Variants in LILRB2 observed in about 807,000 individuals in gnomAD.
LILRB2 encodes leukocyte immunoglobulin like receptor B2.
A neutral mutation model predicts 72.7 loss-of-function variants in LILRB2; 47 were observed. The ratio of observed to expected loss-of-function variants is 0.65; its 90% CI spans 0.51 to 0.82. LILRB2 has a LOEUF of 0.82. Ranked by LOEUF, LILRB2 falls within the 40% of genes least tolerant of loss-of-function variation. The pLI is 0.00. For missense variants in LILRB2, 767 were observed against 764.8 expected, an observed-to-expected ratio of 1.00 and a Z score of -0.03; for synonymous variants, 279 against 313.7, an observed-to-expected ratio of 0.89 and a Z score of 1.17.
Position 54,276,519 on chromosome 19 carries a change from AG to A in LILRB2, c.1481-64del, listed in dbSNP as rs963047252. 3 of 1,311,660 alleles carry A rather than the reference AG, an allele frequency of 2.3e-6. No homozygotes were observed. The African/African-American group carries it at 4.5e-5, about 20-fold the overall frequency. 81.3% of individuals were successfully genotyped at this position (1,311,660 alleles called of 1,614,324 possible). The stretch of plus-strand genomic sequence containing the variant: ...TTGGAGCCCCCTGCCCTGCACACAC[AG>A]CTCGAAGGTAAGGAAGGAAACCTAA... On this transcript the variant is annotated intron_variant, in intron 10 of 13. Coordinates refer to ENST00000314446, the MANE Select transcript of LILRB2 (RefSeq NM_001080978.4).
intron 2 of LILRB2, 61 bp downstream of exon 2, chr19:54,280,402 G>A: frequency 3.7e-6 from 6 of 1,614,090 alleles, no homozygotes; most frequent in South Asian, 2.2e-5. Context: ...AGGGACCAGA[G>A]TTTGGCTGTG....
intron 13 of LILRB2, chr19:54,275,701 T>C (rs894021642): frequency 1.1e-5 from 7 of 635,286 alleles, no homozygotes; most frequent in Non-Finnish European, 1.8e-5. Flanking sequence ...TCCAGAGGCC[T>C]GGGGAGCGCT....
Position 54,281,019 on chromosome 19 carries a change from C to T in LILRB2, c.-107G>A. 2.4e-6 allele frequency: 2 copies of T among 819,628 alleles called. No homozygotes were observed. Among genetic ancestry groups the T allele is most frequent in the Non-Finnish European group, 3.6e-6 (2 of 551,096 alleles). The allele number at this position is 819,628 out of a possible 1,614,324, so 50.8% of individuals were successfully genotyped here. Reference sequence around the variant, plus strand: ...TCAGGGAAGACCCAGGTCCATGCTGCAGGCAGACTCAGATCAGCAGAGAAG... The same window carrying T: ...TCAGGGAAGACCCAGGTCCATGCTGTAGGCAGACTCAGATCAGCAGAGAAG... On this transcript the variant is annotated 5_prime_UTR_variant, in exon 1 of 14. Coordinates refer to ENST00000314446, the MANE Select transcript of LILRB2 (RefSeq NM_001080978.4).
At chr19:54,276,101 A>T (rs1434963272) in intron 12 of LILRB2, 98 bp from the exon 13 acceptor site, 2 of 1,565,208 alleles carry the variant, frequency 1.3e-6, no homozygotes, top group Admixed American at 1.7e-5. Flanking sequence ...GGCTACTGAG[A>T]TGCAGGGAGG....
rs372146362 is a variant in LILRB2, at chr19:54,280,540, C to G, written c.-44G>C. 25 of 1,613,430 alleles carry G rather than the reference C, an allele frequency of 1.5e-5. No individual in the cohort carries two copies. The African/African-American group carries it at 3.0e-4, about 19-fold the overall frequency. ...CCTGCTCTGCGGATGGATGAGCCCT[C>G]GGTGCTGGCGGGACAGAGACACACA... On this transcript the variant is annotated 5_prime_UTR_variant, in exon 2 of 14. Transcript: ENST00000314446.
intron 9 of LILRB2, 85 bp from the exon 10 acceptor site, chr19:54,277,014 C>T (rs1482204907): frequency 5.9e-6 from 9 of 1,526,832 alleles, no homozygotes; most frequent in Non-Finnish European, 8.0e-6. Context: ...ACCTTCTGTT[C>T]ACCACCTCCA....
intron 10 of LILRB2, 88 bp from the exon 11 acceptor site, chr19:54,276,544 A>G: frequency 7.5e-7 from 1 of 1,330,836 alleles, no homozygotes; most frequent in South Asian, 1.5e-5. Flanking sequence ...AAGGAAACCT[A>G]AAAACACTCC....
rs138762759 is a variant in LILRB2, at chr19:54,278,436, G to A, written c.1082C>T (p.Ala361Val). ...TCTTAGACGGAGTGGGGCATCAGCT[G>A]CTCCCGCCTTGGTCAGAAGGAAAGT... The part of the protein sequence containing the change: ...FHTFLLTKAG[A>V]ADAPLRLRSI... The change falls in exon 7 of 14, where the codon GCA becomes GTA. Residue 361 changes from alanine (A) to valine (V), a missense_variant. Ala to Val is a moderately conservative substitution (Grantham distance 64). Transcript: ENST00000314446. 9.2e-4 allele frequency: 1,478 copies of A among 1,614,192 alleles called. 15 individuals are homozygous for A. The African/African-American group carries it at 0.016, about 17-fold the overall frequency.
chr19:54,274,576 G>A lies in LILRB2; in HGVS notation c.*107C>T. On this transcript the variant is annotated 3_prime_UTR_variant, in exon 14 of 14. Coordinates refer to ENST00000314446, the MANE Select transcript of LILRB2 (RefSeq NM_001080978.4). Reference sequence around the variant, plus strand: ...AGCATCTCCTCATGGTCTTTGTTAGGGGTCCAGGCTGACTGGGGTTCATTG... The same window carrying A: ...AGCATCTCCTCATGGTCTTTGTTAGAGGTCCAGGCTGACTGGGGTTCATTG... 1.3e-6 allele frequency: 2 copies of A among 1,569,326 alleles called. No individual in the cohort carries two copies. The highest frequency in any genetic ancestry group is 1.7e-6 in the Non-Finnish European group (2 of 1,155,370).
At chr19:54,278,737 C>T in intron 6 of LILRB2, 75 bp downstream of exon 6, 2 of 1,586,212 alleles carry the variant, frequency 1.3e-6, no homozygotes, top group East Asian at 2.3e-5. Context: ...CTCATCCTGG[C>T]CATCACTAAT....
At position 54,280,210 on chromosome 19, in the gene LILRB2, G is replaced by A. The variant is rs1335338243; in HGVS notation, c.70+54C>T. The A allele has an allele frequency of 3.1e-6, 5 of 1,613,300 alleles. No homozygotes were observed. The South Asian group carries it at 4.4e-5, about 14-fold the overall frequency. On this transcript the variant is annotated intron_variant, in intron 3 of 13. Coordinates refer to ENST00000314446, the MANE Select transcript of LILRB2 (RefSeq NM_001080978.4). Reference sequence around the variant, plus strand: ...CCCCATCCCCAGCTGCACGGAGGTGGCCCCTTGTCCCCAGTGAGGAGGAGG... The same window carrying A: ...CCCCATCCCCAGCTGCACGGAGGTGACCCCTTGTCCCCAGTGAGGAGGAGG...
chr19:54,280,462 C>T lies in LILRB2; in HGVS notation c.34+1G>A. The stretch of plus-strand genomic sequence containing the variant: ...AGCTCCCCTCTCTCTTCAAATCTCA[C>T]CGAGACAGATCAGGACTGTGACGAT... On this transcript the variant is annotated splice_donor_variant, in intron 2 of 13. Transcript: ENST00000314446. LOFTEE classifies it high-confidence loss of function. 1 of 1,614,070 alleles carries T rather than the reference C, an allele frequency of 6.2e-7. No individual in the cohort carries two copies. Among genetic ancestry groups the T allele is most frequent in the Non-Finnish European group, 8.5e-7 (1 of 1,179,970 alleles).
At chr19:54,277,239 C>A (rs529457258) in intron 9 of LILRB2, 1 of 1,535,310 alleles carries the variant, frequency 6.5e-7, no homozygotes, top group Non-Finnish European at 8.8e-7. Context: ...TCCTGAACCA[C>A]GACTCTGCTC....
rs760059655 is a variant in LILRB2 at position 54,278,885 on chromosome 19, G to A, written c.882C>T (p.Tyr294=). The A allele has an allele frequency of 2.5e-6, 4 of 1,614,032 alleles. No individual in the cohort carries two copies. In the African/African-American group the frequency reaches 5.3e-5, roughly 22 times the overall value. ...AGAGGTTGTGTGCACCGTAGCATCT[G>A]TACTGGCCCCCGTAGGAGCGGCTCA... ...GPVSRSYGGQ[Y]RCYGAHNLSS... The change falls in exon 6 of 14, where the codon TAC becomes TAT. Residue 294 remains tyrosine, a synonymous_variant. Coordinates refer to ENST00000314446, the MANE Select transcript of LILRB2 (RefSeq NM_001080978.4).
rs1401238979 is a variant in LILRB2, at chr19:54,277,910, T to TG, written c.1287dup (p.Thr430HisfsTer10). On this transcript the variant is annotated frameshift_variant, in exon 8 of 14. Transcript: ENST00000314446. LOFTEE classifies it high-confidence loss of function. ...TCACCAGGTGTGGAGATGGGACCGG[T>TG]GGGTGGGGGGCTGGAACCCATGGAG... The TG allele has an allele frequency of 3.2e-6, 5 of 1,544,156 alleles. No individual in the cohort carries two copies. The highest frequency in any genetic ancestry group is 4.4e-6 in the Non-Finnish European group (5 of 1,143,504).
chr19:54,277,313 G>C, intron 9 of LILRB2: 4 of 1,278,832 alleles, frequency 3.1e-6, no homozygotes, highest in Non-Finnish European at 4.4e-6. Context: ...CCGCGGAATC[G>C]AGTCTTGGAG....
rs1258939380 is a variant in LILRB2, at chr19:54,280,518, G to A, written c.-22C>T. 5 of 1,613,846 alleles carry A rather than the reference G, an allele frequency of 3.1e-6. No individual in the cohort carries two copies. The highest frequency in any genetic ancestry group is 3.4e-6 in the Non-Finnish European group (4 of 1,179,986). On this transcript the variant is annotated 5_prime_UTR_variant, in exon 2 of 14. Transcript: ENST00000314446. ...TCATGGCGTCTCCTCCCACTGCCCT[G>A]CTCTGCGGATGGATGAGCCCTCGGT... is the stretch of plus-strand genomic sequence containing the variant.
At chr19:54,280,183 A>G in intron 3 of LILRB2, 81 bp downstream of exon 3, 1 of 1,610,688 alleles carries the variant, frequency 6.2e-7, no homozygotes, top group Non-Finnish European at 8.5e-7. Flanking sequence ...AGAACTTCTA[A>G]TCCCCATCCC....
chr19:54,276,621 G>T, intron 10 of LILRB2, 165 bp from the exon 11 acceptor site: 2 of 1,422,506 alleles, frequency 1.4e-6, no homozygotes, highest in Non-Finnish European at 1.9e-6. Flanking sequence ...TTTGTAGATG[G>T]GACTGAGCCC....
Sources: allele counts gnomAD v4.1 joint callset, GRCh38; gene constraint gnomAD v4.1.1; transcripts MANE v1.5; gene names NCBI Gene and HGNC (gene_info 2026-07-23, HGNC 2026-07-21).